PCDHGA9: variants seen among roughly 807,000 people sequenced by gnomAD.
PCDHGA9 encodes the protein protocadherin gamma subfamily A, 9.
In PCDHGA9, 37 loss-of-function variants were observed where a neutral mutation model predicts 62.5. That is an observed-to-expected ratio of 0.59 (90% CI 0.46 to 0.78). The LOEUF is 0.78. Ranked by LOEUF, PCDHGA9 falls within the 30% of genes least tolerant of loss-of-function variation. The pLI, the probability that PCDHGA9 is intolerant of heterozygous loss-of-function variation, is 0.00. For missense variants in PCDHGA9, 1,138 were observed against 1,166.2 expected (o/e 0.98, Z 0.35); for synonymous variants, 459 against 484.6 (o/e 0.95, Z 0.69).
chr5:141,463,904 T>C (rs1289422146), intron 1 of PCDHGA9, among the ~76,000 whole-genome samples: 3 of 152,214 alleles, frequency 2.0e-5, no homozygotes, highest in African/African-American at 4.8e-5. Context: ...TTTGTACTAA[T>C]AATATATCCT....
rs1266068276 is a variant in PCDHGA9 at position 141,418,847 on chromosome 5, C to T, written c.2424+13471C>T. 1.2e-6 allele frequency: 2 copies of T among 1,613,972 alleles called. No individual in the cohort carries two copies. The highest frequency in any genetic ancestry group is 1.3e-5 in the African/African-American group (1 of 75,054). On this transcript the variant is annotated intron_variant, in intron 1 of 3. Transcript: ENST00000573521. ...AAAAGACCGAGGATCTCTCTCAACACGGTGTAAAGTAATTGTAGAAGTTGT... is the reference window on the plus strand; with the variant it reads ...AAAAGACCGAGGATCTCTCTCAACATGGTGTAAAGTAATTGTAGAAGTTGT...
intron 1 of PCDHGA9, among the ~76,000 whole-genome samples, chr5:141,442,609 TA>T (rs1238913928): frequency 6.6e-6 from 1 of 152,112 alleles, no homozygotes; most frequent in African/African-American, 2.4e-5. Flanking sequence ...GAGATCTCAG[TA>T]AAAAGCATTT....
chr5:141,450,899 A>C (rs1045595271), intron 1 of PCDHGA9, among the ~76,000 whole-genome samples: 1 of 149,514 alleles, frequency 6.7e-6, no homozygotes, highest in Non-Finnish European at 1.5e-5. Context: ...ATATCGGCTC[A>C]CTGCAACCGC....
intron 1 of PCDHGA9, chr5:141,428,805 C>G (rs1468764398): frequency 6.6e-6 from 1 of 152,108 alleles, no homozygotes; most frequent in African/African-American, 2.4e-5. Flanking sequence ...GGGCCAGTAA[C>G]TTCATTATTA....
chr5:141,509,830 T>A (rs1328716142), intron 3 of PCDHGA9, among the ~76,000 whole-genome samples: 1 of 152,204 alleles, frequency 6.6e-6, no homozygotes, highest in African/African-American at 2.4e-5. Flanking sequence ...ATCTTCTCTC[T>A]ACCTCCCATT....
chr5:141,459,981 G>C (rs1023972964), intron 1 of PCDHGA9, among the ~76,000 whole-genome samples: 7 of 152,330 alleles, frequency 4.6e-5, no homozygotes, highest in Admixed American at 1.3e-4. Context: ...AGGAGGCTGA[G>C]ACAGGAGAAT....
chr5:141,479,329 G>A (rs2099493017), intron 1 of PCDHGA9: 1 of 152,490 alleles, frequency 6.6e-6, no homozygotes, highest in African/African-American at 2.4e-5. Context: ...AGACTCAGTG[G>A]TGTGCACCTG....
intron 1 of PCDHGA9, chr5:141,414,324 T>G (rs2095735584): frequency 6.2e-7 from 1 of 1,613,758 alleles, no homozygotes; most frequent in South Asian, 1.1e-5. Context: ...CTGAGCAGAA[T>G]GGACAGGTAA....
intron 1 of PCDHGA9, chr5:141,428,440 G>A (rs890993546): frequency 1.0e-5 from 4 of 393,892 alleles, no homozygotes; most frequent in African/African-American, 8.2e-5. Flanking sequence ...GACTAGACCA[G>A]GGGTTTTTCC....
intron 1 of PCDHGA9, chr5:141,416,995 T>G (rs912921234): frequency 2.0e-5 from 3 of 151,486 alleles, no homozygotes; most frequent in Non-Finnish European, 2.9e-5. Flanking sequence ...TGTGCATTCA[T>G]CTCAAATAAT....
intron 2 of PCDHGA9, among the ~76,000 whole-genome samples, chr5:141,501,528 A>G (rs1173385747): frequency 6.6e-6 from 1 of 151,978 alleles, no homozygotes; most frequent in Non-Finnish European, 1.5e-5. Context: ...GAAGCCCAGT[A>G]CGTTGTTGTG....
chr5:141,460,278 G>C (rs1380767218), intron 1 of PCDHGA9, among the ~76,000 whole-genome samples: 1 of 151,964 alleles, frequency 6.6e-6, no homozygotes, highest in African/African-American at 2.4e-5. Context: ...TTCTTTTATA[G>C]TTTGTATTTC....
intron 1 of PCDHGA9, among the ~76,000 whole-genome samples, chr5:141,472,178 A>G (rs1337942457): frequency 6.6e-6 from 1 of 152,210 alleles, no homozygotes; most frequent in African/African-American, 2.4e-5. Flanking sequence ...AATATCCAGT[A>G]TTGGAATTTG....
At chr5:141,492,168 A>C (rs1426223836) in intron 1 of PCDHGA9, among the ~76,000 whole-genome samples, 1 of 152,108 alleles carries the variant, frequency 6.6e-6, no homozygotes, top group African/African-American at 2.4e-5. Context: ...CTATCCCCGC[A>C]TCACCCAACC....
chr5:141,474,022 A>G (rs929139769), intron 1 of PCDHGA9, among the ~76,000 whole-genome samples: 1 of 152,160 alleles, frequency 6.6e-6, no homozygotes, highest in African/African-American at 2.4e-5. Flanking sequence ...GTGAGCTATG[A>G]TTATTCCACT....
At chr5:141,465,983 A>G (rs1219092160) in intron 1 of PCDHGA9, among the ~76,000 whole-genome samples, 1 of 151,944 alleles carries the variant, frequency 6.6e-6, no homozygotes, top group East Asian at 1.9e-4. Context: ...TTAGCCGGGC[A>G]TGGTGGCAGG....
At position 141,487,665 on chromosome 5, in the gene PCDHGA9, G is replaced by C. The variant is rs373971935; in HGVS notation, c.2425-7142G>C. 2.1e-5 allele frequency: 34 copies of C among 1,612,724 alleles called. No homozygotes were observed. In the South Asian group the frequency reaches 3.4e-4, roughly 16 times the overall value. ...ATGCTTGAGGGTTATTCTGATCCAG[G>C]CATATGGCTAGGCCATGTCCTAGAG... On this transcript the variant is annotated intron_variant, in intron 1 of 3. Transcript: ENST00000573521. The surrounding 1 kb of genome is among the most constrained non-coding windows in gnomAD (Gnocchi z 5.0).
chr5:141,494,897 C>T (rs1194879883), intron 2 of PCDHGA9, 32 bp downstream of exon 2: 2 of 1,614,122 alleles, frequency 1.2e-6, no homozygotes, highest in South Asian at 2.2e-5. Flanking sequence ...CCACCCTCTT[C>T]TCTGCGGCAT....
chr5:141,405,461 C>T, intron 1 of PCDHGA9, 85 bp downstream of exon 1: 1 of 1,220,756 alleles, frequency 8.2e-7, no homozygotes, highest in Non-Finnish European at 1.1e-6. Context: ...ACTCTGTTAC[C>T]CAGGCTGGAA....
Sources: gnomAD v4.1 joint callset for allele counts (sites outside exome capture counted in the v4.1 genomes callset) on GRCh38, gnomAD v4.1.1 for gene constraint, Gnocchi (gnomAD v3.1) non-coding constraint, MANE v1.5 for transcripts, NCBI Gene and HGNC (gene_info 2026-07-23, HGNC 2026-07-21) for gene names.